NUBPL: variants seen among roughly 807,000 people sequenced by gnomAD.
NUBPL encodes the protein NUBP iron-sulfur cluster assembly factor, mitochondrial.
In NUBPL, 31 loss-of-function variants were observed where a neutral mutation model predicts 45.7. That is an observed-to-expected ratio of 0.68 (90% CI 0.51 to 0.92). NUBPL has a LOEUF of 0.92. Among genes scored for constraint, NUBPL ranks in the 40% least tolerant of loss-of-function variants. The pLI, the probability that NUBPL is intolerant of heterozygous loss-of-function variation, is 0.00. For missense variants in NUBPL, 401 were observed against 398.7 expected (o/e 1.01, Z -0.05); for synonymous variants, 144 against 140.9 (o/e 1.02, Z -0.15).
intron 4 of NUBPL, among the ~76,000 whole-genome samples, chr14:31,615,158 G>T (rs1445334886): frequency 2.0e-5 from 3 of 152,054 alleles, no homozygotes; most frequent in African/African-American, 7.2e-5. Flanking sequence ...AGATCTGAGG[G>T]TTTTAAAAGT....
chr14:31,627,905 T>C (rs1301983345), intron 4 of NUBPL, among the ~76,000 whole-genome samples: 2 of 152,210 alleles, frequency 1.3e-5, no homozygotes, highest in African/African-American at 4.8e-5. Flanking sequence ...CATAAACTTG[T>C]TAATGTGAAT....
At chr14:31,572,723 A>G (rs1436819356) in intron 3 of NUBPL, among the ~76,000 whole-genome samples, 2 of 152,142 alleles carry the variant, frequency 1.3e-5, no homozygotes, top group Non-Finnish European at 2.9e-5. Flanking sequence ...TGATGGGGGT[A>G]CCTTCTCAGA....
chr14:31,686,502 G>T (rs1430720764), intron 6 of NUBPL, among the ~76,000 whole-genome samples: 1 of 152,160 alleles, frequency 6.6e-6, no homozygotes, highest in Non-Finnish European at 1.5e-5. Flanking sequence ...TGGAAATGAG[G>T]TTATGTGAGG....
At chr14:31,641,152 A>G (rs1287240035) in intron 4 of NUBPL, among the ~76,000 whole-genome samples, 1 of 152,076 alleles carries the variant, frequency 6.6e-6, no homozygotes, top group Non-Finnish European at 1.5e-5. Flanking sequence ...GGGTTTCACC[A>G]TGTTGGCCAG....
intron 4 of NUBPL, among the ~76,000 whole-genome samples, chr14:31,602,621 C>A (rs1442479923): frequency 1.3e-5 from 2 of 152,166 alleles, no homozygotes; most frequent in South Asian, 4.2e-4. Context: ...TTGTTTTAAT[C>A]TTTTTGTGCC....
At chr14:31,811,450 C>T (rs1163375762) in intron 7 of NUBPL, among the ~76,000 whole-genome samples, 2 of 152,148 alleles carry the variant, frequency 1.3e-5, no homozygotes, top group African/African-American at 4.8e-5. Flanking sequence ...AGTTCTTGTG[C>T]CATGGTTTTC....
At chr14:31,649,102 C>T (rs2035934274) in intron 4 of NUBPL, among the ~76,000 whole-genome samples, 1 of 152,182 alleles carries the variant, frequency 6.6e-6, no homozygotes, top group Non-Finnish European at 1.5e-5. Flanking sequence ...AGCCAATGCT[C>T]CTGGCCCCAA....
At chr14:31,798,067 C>G (rs2039498592) in intron 7 of NUBPL, among the ~76,000 whole-genome samples, 2 of 149,012 alleles carry the variant, frequency 1.3e-5, no homozygotes, top group Non-Finnish European at 2.9e-5. Flanking sequence ...TTGGCCCCCA[C>G]TCTCTTCTGG....
In NUBPL at chr14:31,627,247, A is replaced by G. The variant is rs890735121; in HGVS notation, c.382+27868A>G. ...TTACTTTTTAAAAAAAAACTTTCTCATAAGGGAAACCTTATGAGAAACCAA... is the reference window on the plus strand; with the variant it reads ...TTACTTTTTAAAAAAAAACTTTCTCGTAAGGGAAACCTTATGAGAAACCAA... On this transcript the variant is annotated intron_variant, in intron 4 of 10. Coordinates refer to ENST00000281081, the MANE Select transcript of NUBPL (RefSeq NM_025152.3). Among the ~76,000 whole-genome samples, 6 of 152,246 alleles carry G rather than the reference A, an allele frequency of 3.9e-5. No homozygotes were observed. In the East Asian group the frequency reaches 7.8e-4, roughly 20 times the overall value.
In NUBPL at chr14:31,762,149, A is replaced by C. The variant is rs183694864; in HGVS notation, c.514-25631A>C. 1.1e-4 allele frequency among the ~76,000 whole-genome samples: 16 copies of C among 152,350 alleles called. No homozygotes were observed. In the East Asian group the frequency reaches 2.7e-3, roughly 26 times the overall value. On this transcript the variant is annotated intron_variant, in intron 6 of 10. Transcript: ENST00000281081. ...CAGAGAGCTTTGGTTTTTAAAATAT[A>C]AGGTGAAAGTATCTTTTAAAAATCT...
chr14:31,663,615 AG>A (rs1566485073), intron 4 of NUBPL, among the ~76,000 whole-genome samples: 1 of 152,184 alleles, frequency 6.6e-6, no homozygotes, highest in Admixed American at 6.5e-5. Context: ...TTTTGGTACC[AG>A]TATCGTGCTG....
intron 6 of NUBPL, among the ~76,000 whole-genome samples, chr14:31,759,031 A>G (rs983933451): frequency 1.3e-5 from 2 of 152,062 alleles, no homozygotes; most frequent in African/African-American, 4.8e-5. Flanking sequence ...GAGTCTTAGA[A>G]CATACCCTTT....
chr14:31,767,612 C>G (rs78230838), intron 6 of NUBPL, among the ~76,000 whole-genome samples: 2,149 of 152,332 alleles, frequency 0.014, 53 homozygotes, highest in African/African-American at 0.049. Context: ...GGGACTGCTT[C>G]CCTGACTGGG....
chr14:31,731,393 A>T (rs2038045296), intron 6 of NUBPL, among the ~76,000 whole-genome samples: 1 of 152,200 alleles, frequency 6.6e-6, no homozygotes, highest in Non-Finnish European at 1.5e-5. Context: ...CATTTGACAC[A>T]CATAATTTTT....
intron 4 of NUBPL, among the ~76,000 whole-genome samples, chr14:31,614,677 T>A (rs1425054946): frequency 6.6e-6 from 1 of 152,176 alleles, no homozygotes; most frequent in Non-Finnish European, 1.5e-5. Flanking sequence ...AAGGAGACAT[T>A]ATTTCTGTTT....
chr14:31,613,706 T>C (rs2034822575), intron 4 of NUBPL, among the ~76,000 whole-genome samples: 1 of 152,098 alleles, frequency 6.6e-6, no homozygotes, highest in Admixed American at 6.6e-5. Flanking sequence ...TCCTCCTGCC[T>C]CAGCCTCCCA....
chr14:31,680,239 A>C (rs10134289), intron 6 of NUBPL, among the ~76,000 whole-genome samples: 5,561 of 152,094 alleles, frequency 0.037, 134 homozygotes, highest in African/African-American at 0.077. Context: ...TGGTATTCTT[A>C]TTGCCCTTAC....
At position 31,712,594 on chromosome 14, in the gene NUBPL, C is replaced by T. The variant is rs191696426; in HGVS notation, c.513+39020C>T. The stretch of plus-strand genomic sequence containing the variant: ...GAGAGGGGCCCCCACAGCACAGTGG[C>T]GGGCTGAAGCGCTCCTCGAGTGCAG... On this transcript the variant is annotated intron_variant, in intron 6 of 10. Transcript: ENST00000281081. Among the ~76,000 whole-genome samples, 16 of 152,350 alleles carry T rather than the reference C, an allele frequency of 1.1e-4. No individual in the cohort carries two copies. The East Asian group carries it at 1.4e-3, about 13-fold the overall frequency.
At chr14:31,756,798 T>C (rs893968482) in intron 6 of NUBPL, among the ~76,000 whole-genome samples, 15 of 152,038 alleles carry the variant, frequency 9.9e-5, no homozygotes, top group African/African-American at 3.1e-4. Flanking sequence ...AGGGAAAGCT[T>C]CCAGTTTTTG....
Sources: gnomAD v4.1 joint callset for allele counts (sites outside exome capture counted in the v4.1 genomes callset) on GRCh38, gnomAD v4.1.1 for gene constraint, MANE v1.5 for transcripts, NCBI Gene and HGNC (gene_info 2026-07-23, HGNC 2026-07-21) for gene names.